DISC1: variants seen among roughly 807,000 people sequenced by gnomAD.
DISC1 encodes the protein disrupted in schizophrenia 1 protein.
DISC1 carries 57 observed loss-of-function variants against 84.5 expected under a neutral mutation model. The observed-to-expected ratio is 0.67, with a 90% CI of 0.55 to 0.84. The LOEUF (loss-of-function observed/expected upper bound fraction) is 0.84. Among genes scored for constraint, DISC1 ranks in the 40% least tolerant of loss-of-function variants. The pLI is 0.00. For missense variants in DISC1, 1,000 were observed against 1,057.8 expected (o/e 0.95, Z 0.76); for synonymous variants, 411 against 415.2 (o/e 0.99, Z 0.12).
At chr1:231,811,004 C>T (rs954722104) in intron 8 of DISC1, among the ~76,000 whole-genome samples, 1 of 152,172 alleles carries the variant, frequency 6.6e-6, no homozygotes, top group African/African-American at 2.4e-5. Flanking sequence ...TTTGCTATGG[C>T]CTGGCTGTTG....
At chr1:231,648,331 A>G (rs1264538272) in intron 1 of DISC1, among the ~76,000 whole-genome samples, 1 of 151,926 alleles carries the variant, frequency 6.6e-6, no homozygotes, top group Non-Finnish European at 1.5e-5. Context: ...GTTTTTTTTC[A>G]TTGGTTCTGT....
chr1:231,875,015 G>A (rs879823331), intron 9 of DISC1, among the ~76,000 whole-genome samples: 4 of 151,926 alleles, frequency 2.6e-5, no homozygotes, highest in Non-Finnish European at 5.9e-5. Flanking sequence ...GACATCGTAA[G>A]CCCTCAGGAT....
At chr1:231,815,558 GA>G (rs547862075) in intron 8 of DISC1, among the ~76,000 whole-genome samples, 6 of 152,240 alleles carry the variant, frequency 3.9e-5, no homozygotes, top group Admixed American at 3.9e-4. Context: ...CCAACATGGT[GA>G]AACCCCGGCT....
chr1:231,837,387 T>C (rs1227602189), intron 9 of DISC1, among the ~76,000 whole-genome samples: 1 of 152,184 alleles, frequency 6.6e-6, no homozygotes, highest in Non-Finnish European at 1.5e-5. Context: ...TTACAACTAA[T>C]TACCAAACAC....
chr1:231,740,091 G>A lies in DISC1; in HGVS notation c.1118-9835G>A, dbSNP rs766115090. Among the ~76,000 whole-genome samples, 42 of 152,276 alleles carry A rather than the reference G, an allele frequency of 2.8e-4. 1 individual carries two copies. Among genetic ancestry groups the A allele is most frequent in the South Asian group, 1.0e-3 (5 of 4,818 alleles). On this transcript the variant is annotated intron_variant, in intron 3 of 12. Transcript: ENST00000439617. ...ATGAGAAAAAGCAGCTGCCTGAAAC[G>A]TGGCAGCTCTCACCAGAACCTATGC...
At chr1:231,827,373 G>A (rs1158995527) in intron 9 of DISC1, among the ~76,000 whole-genome samples, 1 of 152,172 alleles carries the variant, frequency 6.6e-6, no homozygotes, top group African/African-American at 2.4e-5. Flanking sequence ...ATTTTGTGAG[G>A]TTTTGCAGAA....
chr1:231,774,631 C>T (rs2076819499), intron 6 of DISC1: 1 of 450,574 alleles, frequency 2.2e-6, no homozygotes, highest in Non-Finnish European at 4.5e-6. Flanking sequence ...TCCTTTCTTC[C>T]ACCGTAGGGA....
intron 3 of DISC1, among the ~76,000 whole-genome samples, chr1:231,711,919 A>T (rs951822444): frequency 2.0e-5 from 3 of 152,198 alleles, no homozygotes; most frequent in Admixed American, 2.0e-4. Context: ...TGTAAATGTT[A>T]CCATATTTGG....
chr1:231,739,156 C>T lies in DISC1; in HGVS notation c.1118-10770C>T, dbSNP rs115437236. On this transcript the variant is annotated intron_variant, in intron 3 of 12. Transcript: ENST00000439617. ...TGTAAATGCACTCATATGCTTCCTT[C>T]GCTATTTCCATATTCACCTGTGAGT... Among the ~76,000 whole-genome samples the T allele has an allele frequency of 9.6e-3, 1,467 of 152,292 alleles. 24 individuals carry two copies. Among genetic ancestry groups the T allele is most frequent in the African/African-American group, 0.032 (1,336 of 41,558 alleles).
chr1:231,889,429 G>A (rs1199667984), intron 9 of DISC1, among the ~76,000 whole-genome samples: 3 of 152,210 alleles, frequency 2.0e-5, no homozygotes, highest in African/African-American at 7.2e-5. Flanking sequence ...TGTATGTAGA[G>A]TATCATTTTC....
intron 9 of DISC1, among the ~76,000 whole-genome samples, chr1:231,892,707 C>T (rs946411709): frequency 1.3e-5 from 2 of 151,458 alleles, no homozygotes; most frequent in East Asian, 1.9e-4. Context: ...ATATGGAGTA[C>T]ACTTTCTAGG....
intron 9 of DISC1, among the ~76,000 whole-genome samples, chr1:231,827,015 G>T (rs549361438): frequency 5.3e-5 from 8 of 151,966 alleles, no homozygotes; most frequent in Non-Finnish European, 8.8e-5. Flanking sequence ...TTGAGACAGA[G>T]TCTCAGTCTA....
chr1:231,757,444 A>G (rs1263450642), intron 4 of DISC1, among the ~76,000 whole-genome samples: 1 of 152,186 alleles, frequency 6.6e-6, no homozygotes, highest in Non-Finnish European at 1.5e-5. Context: ...TTGTTCTTAA[A>G]AATCACAATT....
chr1:232,018,924 C>T (rs1668711718), intron 11 of DISC1, among the ~76,000 whole-genome samples: 1 of 152,168 alleles, frequency 6.6e-6, no homozygotes, highest in Non-Finnish European at 1.5e-5. Context: ...AAAGGTTCTT[C>T]TTGTTGGTTT....
intron 9 of DISC1, among the ~76,000 whole-genome samples, chr1:231,888,909 A>G (rs1444629317): frequency 1.3e-5 from 2 of 152,056 alleles, no homozygotes; most frequent in Non-Finnish European, 2.9e-5. Flanking sequence ...TAAAAGATAG[A>G]ATTCCCGATG....
rs768658770 is a variant in DISC1, at chr1:231,693,827, C to A, written c.69C>A (p.Gly23=). ...AGGGGVSHRA[G]SRDCLPPAAC... is the part of the protein sequence containing the mutation. ...TGCTGTTTTTTCTTTTCTTCCCAGG[C>A]AGCCGGGATTGCTTACCACCTGCAG... The change falls in exon 2 of 13, where the codon GGC becomes GGA. Residue 23 remains glycine (G), a splice_region_variant and synonymous_variant. Coordinates refer to ENST00000439617, the MANE Select transcript of DISC1 (RefSeq NM_018662.3). 3 of 1,613,304 alleles carry A rather than the reference C, an allele frequency of 1.9e-6. No individual in the cohort carries two copies. The South Asian group carries it at 3.3e-5, about 18-fold the overall frequency.
At chr1:231,704,919 C>A (rs921383537) in intron 3 of DISC1, among the ~76,000 whole-genome samples, 16 of 151,968 alleles carry the variant, frequency 1.1e-4, no homozygotes, top group African/African-American at 3.9e-4. Flanking sequence ...ACAACAACGC[C>A]GTGTTTAAGG....
At chr1:231,750,309 C>T in intron 4 of DISC1, 2 of 1,341,634 alleles carry the variant, frequency 1.5e-6, no homozygotes, top group Non-Finnish European at 1.9e-6. Context: ...AGAGAACCTT[C>T]TCAAGTGCAG....
chr1:231,807,476 C>T (rs2079831221), intron 8 of DISC1, among the ~76,000 whole-genome samples: 1 of 152,234 alleles, frequency 6.6e-6, no homozygotes, highest in South Asian at 2.1e-4. Flanking sequence ...ACTCAAAAGA[C>T]AGCCAGTAGA....
Sources: allele counts gnomAD v4.1 joint callset (sites outside exome capture counted in the v4.1 genomes callset), GRCh38; gene constraint gnomAD v4.1.1; transcripts MANE v1.5; gene names NCBI Gene and HGNC (gene_info 2026-07-23, HGNC 2026-07-21).